Variants in RRAGB observed in about 807,000 individuals in gnomAD.
RRAGB encodes ras-related GTP-binding protein B.
In RRAGB, 6 loss-of-function variants were observed where a neutral mutation model predicts 29.3. The ratio of observed to expected loss-of-function variants is 0.21; its 90% CI spans 0.11 to 0.40. RRAGB has a LOEUF of 0.40. RRAGB is among the 10% of genes least tolerant of loss of function. RRAGB has a pLI of 1.00. For missense variants in RRAGB, 184 were observed against 272.9 expected (o/e 0.67, Z 2.29); for synonymous variants, 101 against 92.5 (o/e 1.09, Z -0.53).
At chrX:55,751,391 T>G (rs993482820) in intron 6 of RRAGB, 195 bp downstream of exon 6, 1 of 348,633 alleles carries the variant, frequency 2.9e-6, no homozygotes, top group African/African-American at 2.6e-5. Flanking sequence ...GATCTTATAT[T>G]GGGTTGACAT....
chrX:55,718,559 T>C lies in RRAGB; in HGVS notation c.92+140T>C, dbSNP rs190885626. Reference sequence around the variant, plus strand: ...AGTAATGTTGATTGGGATTATGCTTTGGACGACAGGATAAACTGGAAAGCG... The same window carrying C: ...AGTAATGTTGATTGGGATTATGCTTCGGACGACAGGATAAACTGGAAAGCG... On this transcript the variant is annotated intron_variant, in intron 1 of 9. Coordinates refer to ENST00000374941, the MANE Select transcript of RRAGB (RefSeq NM_006064.5). 9.9e-4 allele frequency: 418 copies of C among 421,148 alleles called. 2 individuals are homozygous for C. Among genetic ancestry groups the C allele is most frequent in the African/African-American group, 9.8e-3 (392 of 40,081 alleles). The allele number at this position is 421,148 out of a possible 1,213,427, so 34.7% of individuals were successfully genotyped here. A position where few individuals can be genotyped will look rare whatever the true frequency, so the allele number is the denominator to read the frequency against.
At chrX:55,729,486 A>G (rs41306888) in intron 4 of RRAGB, 126 bp downstream of exon 4, 5,341 of 435,908 alleles carry the variant, frequency 0.012, 45 homozygotes, top group Middle Eastern at 0.018. Flanking sequence ...TTACTTTAAA[A>G]TTGACACTTG....
intron 5 of RRAGB, among the ~76,000 whole-genome samples, chrX:55,732,319 T>C (rs1293349556): frequency 8.9e-6 from 1 of 112,136 alleles, no homozygotes; most frequent in Non-Finnish European, 1.9e-5. Flanking sequence ...ATAGTCTGTC[T>C]AGTTTGCTCA....
chrX:55,737,232 C>G (rs1337896226), intron 5 of RRAGB, among the ~76,000 whole-genome samples: 1 of 112,370 alleles, frequency 8.9e-6, no homozygotes, highest in Non-Finnish European at 1.9e-5. Flanking sequence ...GCTTTTGTCC[C>G]AGTGTTCTGG....
At chrX:55,740,996 A>T (rs1205057121) in intron 5 of RRAGB, among the ~76,000 whole-genome samples, 1 of 108,307 alleles carries the variant, frequency 9.2e-6, no homozygotes, top group African/African-American at 3.3e-5. Flanking sequence ...GTTGTTGCAT[A>T]GGATAAGAGA....
chrX:55,747,565 A>G (rs780391005), intron 5 of RRAGB, among the ~76,000 whole-genome samples: 1 of 111,867 alleles, frequency 8.9e-6, no homozygotes, highest in African/African-American at 3.2e-5. Context: ...AGCCAATCTC[A>G]TATTTGTTAT....
rs1273779672 is a variant in RRAGB at position 55,749,185 on chromosome X, T to TG, written c.517-1908dup. Among the ~76,000 whole-genome samples the TG allele has an allele frequency of 3.7e-3, 156 of 42,697 alleles. 5 individuals carry two copies. The highest frequency in any genetic ancestry group is 0.035 in the Admixed American group (127 of 3,601). 37.1% of individuals were successfully genotyped at this position (42,697 alleles called of 115,157 possible). A position where few individuals can be genotyped will look rare whatever the true frequency, so the allele number is the denominator to read the frequency against. ...CCAGCCGCCCCGTCCGGGAGGGAAGTGGGGGGGGTCAGCCCCCCGCCTGGC... is the reference window on the plus strand; with the variant it reads ...CCAGCCGCCCCGTCCGGGAGGGAAGTGGGGGGGGGTCAGCCCCCCGCCTGGC... On this transcript the variant is annotated intron_variant, in intron 5 of 9. Transcript: ENST00000374941.
chrX:55,722,041 T>G, intron 2 of RRAGB, 145 bp from the exon 3 acceptor site: 1 of 372,722 alleles, frequency 2.7e-6, no homozygotes, highest in African/African-American at 2.5e-5. Flanking sequence ...GGGAAGAGTT[T>G]AGTTAGTTGT....
chrX:55,757,311 T>C lies in RRAGB; in HGVS notation c.923T>C (p.Val308Ala). 1 of 1,172,214 alleles carries C rather than the reference T, an allele frequency of 8.5e-7. No individual in the cohort carries two copies. The highest frequency in any genetic ancestry group is 1.2e-6 in the Non-Finnish European group (1 of 864,767). The change falls in exon 9 of 10, where the codon GTG (valine) becomes GCG (alanine). Residue 308 changes from valine (V) to alanine (A), a missense_variant. Val to Ala is a moderately conservative substitution (Grantham distance 64). Transcript: ENST00000374941. ...ACATCCAACACTTATGTGATGGTTG[T>C]GATGTCTGATCCGTCCATTCGTAAG... Reference protein sequence around the residue: ...IFTSNTYVMVVMSDPSIPSAA... With the variant: ...IFTSNTYVMVAMSDPSIPSAA...
At chrX:55,753,818 G>A (rs1400483763) in intron 7 of RRAGB, among the ~76,000 whole-genome samples, 2 of 112,224 alleles carry the variant, frequency 1.8e-5, no homozygotes, top group African/African-American at 6.5e-5. Context: ...GCCGAGGCGG[G>A]TGGATCACCT....
rs780937796 is a variant in RRAGB, at chrX:55,731,384, A to G, written c.314A>G (p.Asn105Ser). Residue 105 changes from asparagine to serine, a missense_variant, in exon 5 of 10, where the codon AAT (asparagine) becomes AGT (serine). Coordinates refer to ENST00000374941, the MANE Select transcript of RRAGB (RefSeq NM_006064.5). ...ATCAGGCAAGACACCTTCATGGAAA[A>G]TTATTTCACTAGCCAACGGGACAAC... Reference protein sequence around the residue: ...DCGGQDTFMENYFTSQRDNIF... With the variant: ...DCGGQDTFMESYFTSQRDNIF... 4 of 1,208,849 alleles carry G rather than the reference A, an allele frequency of 3.3e-6. No homozygotes were observed. Among genetic ancestry groups the G allele is most frequent in the Non-Finnish European group, 4.5e-6 (4 of 893,567 alleles).
chrX:55,729,153 A>G (rs1390589024), intron 3 of RRAGB, 141 bp from the exon 4 acceptor site: 1 of 455,024 alleles, frequency 2.2e-6, no homozygotes, highest in Non-Finnish European at 3.9e-6. Context: ...CACACTACTC[A>G]GCTGAAAATC....
chrX:55,727,477 T>C, intron 3 of RRAGB: 1 of 481,480 alleles, frequency 2.1e-6, no homozygotes, highest in Non-Finnish European at 3.8e-6. Flanking sequence ...AGGCACTTTA[T>C]GTATGATAAT....
chrX:55,725,878 A>G (rs1415991603), intron 3 of RRAGB, among the ~76,000 whole-genome samples: 1 of 110,950 alleles, frequency 9.0e-6, no homozygotes, highest in Non-Finnish European at 1.9e-5. Flanking sequence ...AATCTTTATC[A>G]TAGTATTTTC....
intron 5 of RRAGB, among the ~76,000 whole-genome samples, chrX:55,740,363 A>C (rs973771659): frequency 1.8e-5 from 2 of 111,576 alleles, no homozygotes; most frequent in Non-Finnish European, 3.8e-5. Context: ...CATGAATTTT[A>C]AATCATTATG....
chrX:55,723,295 C>T (rs770894329), intron 3 of RRAGB, among the ~76,000 whole-genome samples: 6 of 110,328 alleles, frequency 5.4e-5, no homozygotes, highest in South Asian at 3.9e-4. Context: ...GCACCCACAA[C>T]GACGCCCAGC....
rs958529157 is a variant in RRAGB at position 55,717,842 on chromosome X, C to T, written c.-486C>T. 8.8e-6 allele frequency: 1 copy of T among 113,570 alleles called. No homozygotes were observed. 9.4% of individuals were successfully genotyped at this position (113,570 alleles called of 1,213,427 possible). A position where few individuals can be genotyped will look rare whatever the true frequency, so the allele number is the denominator to read the frequency against. ...GTGGTTAGGTCGTAACTACTGCCCCCGCCGGCTGACTCTCCGAGCGGCCGG... is the reference window on the plus strand; with the variant it reads ...GTGGTTAGGTCGTAACTACTGCCCCTGCCGGCTGACTCTCCGAGCGGCCGG... On this transcript the variant is annotated 5_prime_UTR_variant, in exon 1 of 10. Coordinates refer to ENST00000374941, the MANE Select transcript of RRAGB (RefSeq NM_006064.5).
intron 5 of RRAGB, among the ~76,000 whole-genome samples, chrX:55,737,721 T>C (rs769817638): frequency 7.7e-4 from 87 of 112,939 alleles, no homozygotes; most frequent in African/African-American, 2.7e-3. Flanking sequence ...CTGCAAATCC[T>C]GCTGCGCATC....
rs757547102 is a variant in RRAGB at position 55,753,488 on chromosome X, C to T, written c.709C>T (p.Leu237Phe). 2 of 1,197,453 alleles carry T rather than the reference C, an allele frequency of 1.7e-6. No homozygotes were observed. The highest frequency in any genetic ancestry group is 2.3e-6 in the Non-Finnish European group (2 of 884,658). Residue 237 changes from leucine (L) to phenylalanine (F), a missense_variant, in exon 7 of 10, where the codon CTT becomes TTT. Leu to Phe is a conservative substitution (Grantham distance 22, BLOSUM62 0). Transcript: ENST00000374941. ...FAEIIEADEV[L>F]LFERATFLVI... is the part of the protein sequence containing the mutation. ...TGAAATTATCGAAGCTGATGAAGTA[C>T]TTCTTTTTGAGAGAGCTACTTTTCT... is the stretch of plus-strand genomic sequence containing the variant.
Sources: allele counts gnomAD v4.1 joint callset (sites outside exome capture counted in the v4.1 genomes callset), GRCh38; gene constraint gnomAD v4.1.1; transcripts MANE v1.5; gene names NCBI Gene and HGNC (gene_info 2026-07-23, HGNC 2026-07-21).